OXR1: variants seen among roughly 807,000 people sequenced by gnomAD.
OXR1 encodes oxidation resistance 1.
A neutral mutation model predicts 104.6 loss-of-function variants in OXR1; 41 were observed. That is an observed-to-expected ratio of 0.39 (90% CI 0.31 to 0.51). The LOEUF is 0.51. OXR1 is among the 20% of genes least tolerant of loss of function. The probability of loss-of-function intolerance (pLI) is 0.77; values close to 1 mark genes in which losing one functional copy is unlikely to be tolerated. For missense variants in OXR1, 955 were observed against 1,031.9 expected (o/e 0.93, Z 1.02); for synonymous variants, 348 against 348.4 (o/e 1.00, Z 0.01).
intron 4 of OXR1, among the ~76,000 whole-genome samples, chr8:106,680,134 A>G (rs1243985886): frequency 1.3e-5 from 2 of 152,118 alleles, no homozygotes; most frequent in Non-Finnish European, 2.9e-5. Context: ...ATTTTGATAT[A>G]CCATTCATAT....
rs773206309 is a variant in OXR1 at position 106,329,350 on chromosome 8, CT to C, written c.-138-30111del. ...CTCATCTGTGTAATACTCATTGACA[CT>C]TTTTTTTTTTTTTTGAGACGGAGTC... On this transcript the variant is annotated intron_variant, in intron 1 of 16. Transcript: ENST00000517566. Among the ~76,000 whole-genome samples the C allele has an allele frequency of 2.8e-3, 389 of 137,652 alleles. 1 individual carries two copies. The highest frequency in any genetic ancestry group is 0.013 in the South Asian group (54 of 4,194). The allele number at this position is 137,652 out of a possible 152,430, so 90.3% of individuals were successfully genotyped here. A position where few individuals can be genotyped will look rare whatever the true frequency, so the allele number is the denominator to read the frequency against.
At chr8:106,589,582 A>G (rs948381995) in intron 3 of OXR1, among the ~76,000 whole-genome samples, 1 of 152,140 alleles carries the variant, frequency 6.6e-6, no homozygotes, top group African/African-American at 2.4e-5. Flanking sequence ...CCGATTTCAG[A>G]CGACGCAGCA....
At chr8:106,694,243 G>A (rs1426995916) in intron 7 of OXR1, among the ~76,000 whole-genome samples, 1 of 151,430 alleles carries the variant, frequency 6.6e-6, no homozygotes, top group Admixed American at 6.6e-5. Flanking sequence ...TATTCCACAA[G>A]TGTCAATCAA....
chr8:106,732,554 G>A (rs953802799), intron 11 of OXR1, among the ~76,000 whole-genome samples: 17 of 152,008 alleles, frequency 1.1e-4, no homozygotes, highest in African/African-American at 3.6e-4. Flanking sequence ...AGTTGAGGGA[G>A]TTCTTCTTTA....
intron 3 of OXR1, among the ~76,000 whole-genome samples, chr8:106,659,071 G>A (rs1563676469): frequency 6.6e-6 from 1 of 152,210 alleles, no homozygotes; most frequent in Non-Finnish European, 1.5e-5. Context: ...GGCACAAAGT[G>A]TGTAAAATCT....
At chr8:106,647,739 T>TAAGCGGA (rs1301699881) in intron 3 of OXR1, among the ~76,000 whole-genome samples, 1 of 152,210 alleles carries the variant, frequency 6.6e-6, no homozygotes, top group Admixed American at 6.5e-5. Context: ...AGCGATCCTC[T>TAAGCGGA]GGCCTCAGCC....
intron 7 of OXR1, among the ~76,000 whole-genome samples, chr8:106,693,471 C>A (rs1829521894): frequency 1.5e-5 from 2 of 137,290 alleles, no homozygotes; most frequent in Admixed American, 1.6e-4. Context: ...CTCTTATCAG[C>A]CAGGCTGGAG....
At chr8:106,591,458 A>T (rs1313023251) in intron 3 of OXR1, among the ~76,000 whole-genome samples, 1 of 150,782 alleles carries the variant, frequency 6.6e-6, no homozygotes, top group African/African-American at 2.4e-5. Context: ...AAAAAAAAAG[A>T]ACTAAGTAGG....
rs993940309 is a variant in OXR1 at position 106,502,333 on chromosome 8, ACT to A, written c.24-16607_24-16606del. On this transcript the variant is annotated intron_variant, in intron 2 of 16. Transcript: ENST00000517566. ...CAGTCCAGAATTCAGGGCTCAAAAC[ACT>A]CTATGAAAATCTGTTCGTCTGCTAT... Among the ~76,000 whole-genome samples the A allele has an allele frequency of 1.3e-4, 20 of 152,244 alleles. 1 individual carries two copies. The highest frequency in any genetic ancestry group is 4.6e-4 in the African/African-American group (19 of 41,538).
intron 2 of OXR1, among the ~76,000 whole-genome samples, chr8:106,421,799 G>GGGGGACACAAAATTGA (rs11273791): frequency 6.6e-6 from 1 of 152,188 alleles, no homozygotes; most frequent in Non-Finnish European, 1.5e-5. Flanking sequence ...TAGACTGGGA[G>GGGGGACACAAAATTGA]AGGCCATGAA....
chr8:106,728,274 T>G (rs944463022), intron 11 of OXR1, among the ~76,000 whole-genome samples: 1 of 128,114 alleles, frequency 7.8e-6, no homozygotes, highest in Non-Finnish European at 1.7e-5. Flanking sequence ...TCAGAACAAA[T>G]GAAATTTGAC....
chr8:106,611,117 G>A (rs543034382), intron 3 of OXR1, among the ~76,000 whole-genome samples: 47 of 152,320 alleles, frequency 3.1e-4, no homozygotes, highest in African/African-American at 1.0e-3. Flanking sequence ...TGTACAGGGT[G>A]CTGACCTAGA....
At chr8:106,678,650 G>T (rs1196431222) in intron 3 of OXR1, among the ~76,000 whole-genome samples, 1 of 151,792 alleles carries the variant, frequency 6.6e-6, no homozygotes, top group Non-Finnish European at 1.5e-5. Context: ...TTAATAATTG[G>T]CATTCAATCT....
intron 3 of OXR1, among the ~76,000 whole-genome samples, chr8:106,534,260 T>C (rs1410369034): frequency 6.6e-6 from 1 of 152,188 alleles, no homozygotes; most frequent in Non-Finnish European, 1.5e-5. Context: ...GCTTTCATCA[T>C]CGAACAGCAC....
chr8:106,443,892 C>T (rs1337698628), intron 2 of OXR1, among the ~76,000 whole-genome samples: 1 of 152,152 alleles, frequency 6.6e-6, no homozygotes, highest in Admixed American at 6.6e-5. Context: ...AAACTATCAT[C>T]AGAGTTCACA....
intron 1 of OXR1, among the ~76,000 whole-genome samples, chr8:106,310,366 A>C (rs148697784): frequency 2.5e-4 from 38 of 152,130 alleles, no homozygotes; most frequent in Admixed American, 5.9e-4. Context: ...TTCCTCAGAC[A>C]GTTGTTTCCT....
At chr8:106,325,101 A>G (rs1814413117) in intron 1 of OXR1, among the ~76,000 whole-genome samples, 1 of 152,230 alleles carries the variant, frequency 6.6e-6, no homozygotes, top group Admixed American at 6.5e-5. Context: ...AAAGAATAAA[A>G]GTAATAGAAG....
At chr8:106,546,977 C>T (rs1420636556) in intron 3 of OXR1, among the ~76,000 whole-genome samples, 5 of 152,078 alleles carry the variant, frequency 3.3e-5, no homozygotes, top group East Asian at 3.9e-4. Context: ...CTGCAACCTC[C>T]GCCTTTGGTT....
chr8:106,416,460 T>C (rs1818681750), intron 2 of OXR1, among the ~76,000 whole-genome samples: 1 of 152,080 alleles, frequency 6.6e-6, no homozygotes, highest in South Asian at 2.1e-4. Context: ...AATAATATTA[T>C]TTTATTTCAT....
Sources: gnomAD v4.1 joint callset for allele counts (sites outside exome capture counted in the v4.1 genomes callset) on GRCh38, gnomAD v4.1.1 for gene constraint, MANE v1.5 for transcripts, NCBI Gene and HGNC (gene_info 2026-07-23, HGNC 2026-07-21) for gene names.